Variants in DCC observed in about 807,000 individuals in gnomAD.
DCC encodes the protein DCC netrin 1 receptor, also known as netrin receptor DCC.
In DCC, 58 loss-of-function variants were observed where a neutral mutation model predicts 172.5. The observed-to-expected ratio is 0.34, with a 90% CI of 0.27 to 0.42. The LOEUF (loss-of-function observed/expected upper bound fraction) is 0.42. Ranked by LOEUF, DCC falls within the 10% of genes least tolerant of loss-of-function variation. The probability of loss-of-function intolerance (pLI) is 1.00; values close to 1 mark genes in which losing one functional copy is unlikely to be tolerated. For synonymous variants in DCC, 709 were observed against 644.5 expected, an observed-to-expected ratio of 1.10 and a Z score of -1.52; for missense variants, 1,740 against 1,791.0, an observed-to-expected ratio of 0.97 and a Z score of 0.51.
At chr18:53,087,068 G>T (rs1036830386) in intron 7 of DCC, among the ~76,000 whole-genome samples, 2 of 151,916 alleles carry the variant, frequency 1.3e-5, no homozygotes, top group African/African-American at 2.4e-5. Flanking sequence ...ACATACGTGT[G>T]CATGTGTCTT....
At chr18:53,458,552 A>G (rs2045511041) in intron 23 of DCC, among the ~76,000 whole-genome samples, 1 of 152,254 alleles carries the variant, frequency 6.6e-6, no homozygotes, top group Admixed American at 6.5e-5. Flanking sequence ...CCCCAAAAAT[A>G]AATTTATAGT....
At chr18:52,660,581 A>G (rs754448364) in intron 1 of DCC, among the ~76,000 whole-genome samples, 10 of 152,210 alleles carry the variant, frequency 6.6e-5, no homozygotes. Flanking sequence ...CTGAGACTGC[A>G]GTCACAAACT....
At position 52,390,652 on chromosome 18, in the gene DCC, G is replaced by A. The variant is rs560027260; in HGVS notation, c.91+49774G>A. Among the ~76,000 whole-genome samples, 28 of 152,144 alleles carry A rather than the reference G, an allele frequency of 1.8e-4. No individual in the cohort carries two copies. In the South Asian group the frequency reaches 4.8e-3, roughly 26 times the overall value. On this transcript the variant is annotated intron_variant, in intron 1 of 28. Coordinates refer to ENST00000442544, the MANE Select transcript of DCC (RefSeq NM_005215.4). ...CTGCTCTTGTCACATGGTGGAGTTCGCAGGTCTCCAAGGAGACTCATGGTC... is the reference window on the plus strand; with the variant it reads ...CTGCTCTTGTCACATGGTGGAGTTCACAGGTCTCCAAGGAGACTCATGGTC...
intron 12 of DCC, among the ~76,000 whole-genome samples, chr18:53,260,026 T>G (rs1007138723): frequency 6.6e-6 from 1 of 152,220 alleles, no homozygotes; most frequent in African/African-American, 2.4e-5. Flanking sequence ...TCGTCATGTA[T>G]TTCTCGTGCC....
chr18:52,831,423 G>C (rs2038611523), intron 2 of DCC, among the ~76,000 whole-genome samples: 1 of 152,108 alleles, frequency 6.6e-6, no homozygotes, highest in African/African-American at 2.4e-5. Flanking sequence ...GGGAGGGCAG[G>C]CGTGAATGCA....
At chr18:53,324,090 G>T (rs778093570) in intron 14 of DCC, among the ~76,000 whole-genome samples, 113 of 152,210 alleles carry the variant, frequency 7.4e-4, no homozygotes, top group Non-Finnish European at 9.4e-4. Flanking sequence ...GATTACTCTG[G>T]CTGAAGCATG....
chr18:52,408,789 A>C (rs533173055), intron 1 of DCC, among the ~76,000 whole-genome samples: 1 of 152,186 alleles, frequency 6.6e-6, no homozygotes, highest in African/African-American at 2.4e-5. Context: ...CATTTCTCAA[A>C]TTGTTGTGCA....
chr18:53,419,618 C>T (rs1054098825), intron 21 of DCC, among the ~76,000 whole-genome samples: 1 of 151,972 alleles, frequency 6.6e-6, no homozygotes, highest in East Asian at 1.9e-4. Context: ...TAAAATGAAC[C>T]GCTATGCAGC....
intron 8 of DCC, among the ~76,000 whole-genome samples, chr18:53,174,929 A>T (rs2055067662): frequency 6.6e-6 from 1 of 152,244 alleles, no homozygotes; most frequent in African/African-American, 2.4e-5. Flanking sequence ...AATCCTCAGT[A>T]AAATACTGGC....
chr18:53,001,094 C>T (rs983032916), intron 5 of DCC, among the ~76,000 whole-genome samples: 6 of 151,948 alleles, frequency 3.9e-5, no homozygotes, highest in South Asian at 2.1e-4. Context: ...AAACGACTCC[C>T]GCCAACCCCT....
chr18:53,198,212 G>T (rs1467717375), intron 9 of DCC, among the ~76,000 whole-genome samples: 2 of 151,988 alleles, frequency 1.3e-5, no homozygotes, highest in Non-Finnish European at 2.9e-5. Context: ...TAAAATTTGG[G>T]GGATAGAAAT....
At chr18:52,387,574 T>TGTTCCTTCCTTCCTTC (rs551481939) in intron 1 of DCC, among the ~76,000 whole-genome samples, 189 of 122,088 alleles carry the variant, frequency 1.5e-3, no homozygotes, top group African/African-American at 5.8e-3. Flanking sequence ...TTGTTTTGTT[T>TGTTCCTTCCTTCCTTC]CTTCCTTCCT....
At chr18:52,380,155 T>A (rs1233971133) in intron 1 of DCC, among the ~76,000 whole-genome samples, 1 of 152,088 alleles carries the variant, frequency 6.6e-6, no homozygotes, top group Non-Finnish European at 1.5e-5. Context: ...CCATTCATGA[T>A]GGAGGATCCC....
At chr18:52,999,783 G>T (rs967389734) in intron 5 of DCC, among the ~76,000 whole-genome samples, 4 of 151,876 alleles carry the variant, frequency 2.6e-5, no homozygotes, top group African/African-American at 9.7e-5. Flanking sequence ...GTTATTTTTT[G>T]AGCTGTGTTA....
At chr18:52,625,704 G>A (rs997318703) in intron 1 of DCC, among the ~76,000 whole-genome samples, 6 of 152,116 alleles carry the variant, frequency 3.9e-5, no homozygotes, top group Non-Finnish European at 8.8e-5. Context: ...TGAAAGAGCT[G>A]AGCTGTGTTC....
intron 2 of DCC, among the ~76,000 whole-genome samples, chr18:52,818,694 G>C (rs891753972): frequency 3.3e-5 from 5 of 152,130 alleles, no homozygotes; most frequent in Non-Finnish European, 7.3e-5. Context: ...AGATTCTATT[G>C]GACTATCTGT....
intron 1 of DCC, among the ~76,000 whole-genome samples, chr18:52,628,350 C>T (rs2034611171): frequency 6.6e-6 from 1 of 152,202 alleles, no homozygotes; most frequent in African/African-American, 2.4e-5. Context: ...ATCCAAGAGA[C>T]TTAGCATCCA....
chr18:53,353,443 A>C (rs2057836195), intron 15 of DCC, among the ~76,000 whole-genome samples: 1 of 152,092 alleles, frequency 6.6e-6, no homozygotes, highest in Non-Finnish European at 1.5e-5. Flanking sequence ...TAAAGGTTAA[A>C]AAAATAACGT....
intron 5 of DCC, among the ~76,000 whole-genome samples, chr18:52,996,218 T>C (rs1424377381): frequency 6.6e-6 from 1 of 151,886 alleles, no homozygotes; most frequent in Admixed American, 6.6e-5. Flanking sequence ...GTATTTTAAA[T>C]CTTCACTTTA....
Sources: allele counts gnomAD v4.1 joint callset (sites outside exome capture counted in the v4.1 genomes callset), GRCh38; gene constraint gnomAD v4.1.1; transcripts MANE v1.5; gene names NCBI Gene and HGNC (gene_info 2026-07-23, HGNC 2026-07-21).